The following TENM2 variants were observed in gnomAD, a reference collection of about 807,000 sequenced individuals.
TENM2 encodes the protein teneurin-2.
Under a neutral mutation model 245.2 loss-of-function variants are expected in TENM2, and 52 were observed. The ratio of observed to expected loss-of-function variants is 0.21; its 90% CI spans 0.17 to 0.27. TENM2 has a LOEUF of 0.27. TENM2 is among the 10% of genes least tolerant of loss of function. The pLI is 1.00. For synonymous variants in TENM2, 1,363 were observed against 1,438.9 expected (o/e 0.95, Z 1.19); for missense variants, 3,046 against 3,666.8 (o/e 0.83, Z 4.37).
At chr5:167,836,078 A>T (rs1768963413) in intron 2 of TENM2, among the ~76,000 whole-genome samples, 1 of 152,210 alleles carries the variant, frequency 6.6e-6, no homozygotes, top group African/African-American at 2.4e-5. Flanking sequence ...AGAAAGAGTT[A>T]CTTTCTACAC....
intron 1 of TENM2, among the ~76,000 whole-genome samples, chr5:167,370,328 T>C (rs1288755378): frequency 6.2e-5 from 7 of 113,082 alleles, no homozygotes; most frequent in Admixed American, 2.6e-4. Context: ...GGCGACAGAG[T>C]GAGACTCCGT....
At chr5:168,224,463 C>G (rs534096729) in intron 23 of TENM2, among the ~76,000 whole-genome samples, 43 of 152,370 alleles carry the variant, frequency 2.8e-4, no homozygotes, top group African/African-American at 1.0e-3. Flanking sequence ...AGCAAAGTTT[C>G]TCAGATCCCT....
At chr5:167,918,075 C>T (rs1475447779) in intron 3 of TENM2, among the ~76,000 whole-genome samples, 2 of 152,120 alleles carry the variant, frequency 1.3e-5, no homozygotes, top group African/African-American at 2.4e-5. Context: ...AGTTAGTGCT[C>T]CGTGAAGGTT....
chr5:167,065,955 G>T, the TENM2 span, among the ~76,000 whole-genome samples: 24,592 of 152,044 alleles, frequency 0.16, 2,971 homozygotes, highest in East Asian at 0.37. Flanking sequence ...CTGTCACTTT[G>T]TAGCTCTGGT....
intron 1 of TENM2, among the ~76,000 whole-genome samples, chr5:167,355,594 A>T (rs1759258431): frequency 6.6e-6 from 1 of 152,202 alleles, no homozygotes; most frequent in South Asian, 2.1e-4. Context: ...TGGTCTGCTC[A>T]TGAGCCGCGA....
At chr5:167,405,468 A>AT (rs1042729597) in intron 2 of TENM2, among the ~76,000 whole-genome samples, 5 of 151,934 alleles carry the variant, frequency 3.3e-5, no homozygotes, top group African/African-American at 1.2e-4. Flanking sequence ...ACTATTGAAC[A>AT]TTTTTTTCAT....
intron 4 of TENM2, among the ~76,000 whole-genome samples, chr5:167,988,768 G>A (rs569062424): frequency 1.3e-5 from 2 of 152,312 alleles, no homozygotes; most frequent in East Asian, 3.9e-4. Flanking sequence ...ATTATTAGAA[G>A]CCTTTGTCAG....
At chr5:167,478,658 C>A (rs1447063957) in intron 2 of TENM2, among the ~76,000 whole-genome samples, 2 of 152,206 alleles carry the variant, frequency 1.3e-5, no homozygotes, top group African/African-American at 4.8e-5. Flanking sequence ...GAGAAGCTGG[C>A]ATGGCCACTG....
intron 2 of TENM2, among the ~76,000 whole-genome samples, chr5:167,640,896 T>TAA (rs1779560529): frequency 4.0e-5 from 4 of 99,506 alleles, no homozygotes; most frequent in Non-Finnish European, 5.9e-5. Flanking sequence ...TATATATATA[T>TAA]ATATATATAT....
chr5:167,429,531 A>G (rs1013397660), intron 2 of TENM2, among the ~76,000 whole-genome samples: 3 of 152,106 alleles, frequency 2.0e-5, no homozygotes, highest in African/African-American at 7.2e-5. Flanking sequence ...AGAATAGAAA[A>G]TAAAATATAA....
intron 2 of TENM2, among the ~76,000 whole-genome samples, chr5:167,431,976 T>TATATATATATACATATAG (rs1764283668): frequency 7.3e-6 from 1 of 136,140 alleles, no homozygotes; most frequent in African/African-American, 3.3e-5. Flanking sequence ...TATATATATA[T>TATATATATATACATATAG]ATGGAAGTTC....
intron 2 of TENM2, among the ~76,000 whole-genome samples, chr5:167,407,301 A>G (rs979475762): frequency 6.6e-6 from 1 of 152,148 alleles, no homozygotes. Context: ...AGATACCTGT[A>G]TCTATGTTCT....
At chr5:168,147,381 C>T (rs1198663338) in intron 12 of TENM2, among the ~76,000 whole-genome samples, 2 of 152,132 alleles carry the variant, frequency 1.3e-5, no homozygotes, top group Non-Finnish European at 2.9e-5. Context: ...ATATTTTGCA[C>T]GGACGTTTAA....
intron 1 of TENM2, among the ~76,000 whole-genome samples, chr5:167,344,265 A>G (rs1361352342): frequency 7.0e-6 from 1 of 143,204 alleles, no homozygotes; most frequent in Non-Finnish European, 1.5e-5. Flanking sequence ...AGAATACACA[A>G]ACACATGCAC....
intron 2 of TENM2, among the ~76,000 whole-genome samples, chr5:167,845,454 C>T (rs528433977): frequency 5.9e-5 from 9 of 152,302 alleles, no homozygotes; most frequent in Non-Finnish European, 1.2e-4. Context: ...AACAATGCAT[C>T]ACTTTCCTAC....
chr5:167,808,821 C>T (rs989697436), intron 2 of TENM2, among the ~76,000 whole-genome samples: 2 of 152,128 alleles, frequency 1.3e-5, no homozygotes, highest in Admixed American at 6.6e-5. Context: ...ATATTGAGAA[C>T]TTCAGGAGGA....
At chr5:167,471,861 A>T (rs2127512419) in intron 2 of TENM2, among the ~76,000 whole-genome samples, 1 of 152,340 alleles carries the variant, frequency 6.6e-6, no homozygotes, top group East Asian at 1.9e-4. Flanking sequence ...AAAGAACTAG[A>T]TTAAGTGTCA....
At chr5:167,691,953 G>A (rs576257439) in intron 2 of TENM2, among the ~76,000 whole-genome samples, 3 of 152,198 alleles carry the variant, frequency 2.0e-5, no homozygotes, top group Non-Finnish European at 2.9e-5. Context: ...TGTGGTTAAA[G>A]TCTCACCTAT....
the TENM2 span, among the ~76,000 whole-genome samples, chr5:167,158,901 TTC>T: frequency 2.8e-3 from 399 of 141,110 alleles, 1 homozygote; most frequent in African/African-American, 0.01. Context: ...CCTTCCTTCC[TTC>T]CTTCCTCTTC....
Sources: allele counts gnomAD v4.1 joint callset (sites outside exome capture counted in the v4.1 genomes callset), GRCh38; gene constraint gnomAD v4.1.1; transcripts MANE v1.5; gene names NCBI Gene and HGNC (gene_info 2026-07-23, HGNC 2026-07-21).